PRDM16: variants seen among roughly 807,000 people sequenced by gnomAD.
PRDM16 encodes the protein PR/SET domain 16.
Under a neutral mutation model 110.6 loss-of-function variants are expected in PRDM16, and 23 were observed. That is an observed-to-expected ratio of 0.21 (90% CI 0.15 to 0.29). The LOEUF (loss-of-function observed/expected upper bound fraction) is 0.29. Among genes scored for constraint, PRDM16 ranks in the 10% least tolerant of loss-of-function variants. The pLI, the probability that PRDM16 is intolerant of heterozygous loss-of-function variation, is 1.00. For synonymous variants in PRDM16, 799 were observed against 781.8 expected (o/e 1.02, Z -0.37); for missense variants, 1,615 against 1,794.3 (o/e 0.90, Z 1.81).
At chr1:3,097,346 T>A (rs1642428507) in intron 1 of PRDM16, among the ~76,000 whole-genome samples, 1 of 152,180 alleles carries the variant, frequency 6.6e-6, no homozygotes, top group South Asian at 2.1e-4. Flanking sequence ...GGGCTGCATC[T>A]CCAAAGGACC....
At chr1:3,145,847 G>A (rs1349884556) in intron 1 of PRDM16, among the ~76,000 whole-genome samples, 2 of 152,168 alleles carry the variant, frequency 1.3e-5, no homozygotes. Context: ...TAATTTTTCT[G>A]AGTGAGGTCT....
At chr1:3,145,936 C>T (rs780713957) in intron 1 of PRDM16, among the ~76,000 whole-genome samples, 1 of 152,232 alleles carries the variant, frequency 6.6e-6, no homozygotes, top group African/African-American at 2.4e-5. Flanking sequence ...CCCCCGGCGC[C>T]CCCCGGGTCA....
chr1:3,195,738 G>A (rs1429473128), intron 2 of PRDM16, among the ~76,000 whole-genome samples: 1 of 152,172 alleles, frequency 6.6e-6, no homozygotes. Context: ...TTCTGCGTGG[G>A]GGCGTGGCCC....
At chr1:3,373,132 G>C (rs540375074) in intron 3 of PRDM16, among the ~76,000 whole-genome samples, 1 of 152,218 alleles carries the variant, frequency 6.6e-6, no homozygotes, top group East Asian at 1.9e-4. Context: ...GCACACACAA[G>C]AGTCTCCTCA....
At position 3,436,731 on chromosome 1, in the gene PRDM16, T is replaced by C. The variant is rs1638918486; in HGVS notation, c.*2920T>C. Reference sequence around the variant, plus strand: ...GAATTCAGAGATTCTGGCCTCCAGCTGTCACCACACCGTAACGGGGCCATG... The same window carrying C: ...GAATTCAGAGATTCTGGCCTCCAGCCGTCACCACACCGTAACGGGGCCATG... On this transcript the variant is annotated 3_prime_UTR_variant, in exon 17 of 17. Coordinates refer to ENST00000270722, the MANE Select transcript of PRDM16 (RefSeq NM_022114.4). The C allele has an allele frequency of 4.3e-6, 1 of 232,590 alleles. No individual in the cohort carries two copies. The highest frequency in any genetic ancestry group is 2.2e-5 in the African/African-American group (1 of 45,304). 14.4% of individuals were successfully genotyped at this position (232,590 alleles called of 1,614,324 possible). A position where few individuals can be genotyped will look rare whatever the true frequency, so the allele number is the denominator to read the frequency against.
At chr1:3,421,494 C>A (rs1036789805) in intron 12 of PRDM16, among the ~76,000 whole-genome samples, 1 of 152,214 alleles carries the variant, frequency 6.6e-6, no homozygotes, top group Non-Finnish European at 1.5e-5. Context: ...CAACGCAGAC[C>A]CCAGCTGCTC....
rs1005687685 is a variant in PRDM16, at chr1:3,427,434, C to T, written c.3284+1209C>T. Among the ~76,000 whole-genome samples, 9 of 152,296 alleles carry T rather than the reference C, an allele frequency of 5.9e-5. 1 individual carries two copies. Among genetic ancestry groups the T allele is most frequent in the Admixed American group, 5.9e-4 (9 of 15,308 alleles). On this transcript the variant is annotated intron_variant, in intron 14 of 16. Transcript: ENST00000270722. ...TTTTACCGCACTGGCCATGGGCGGT[C>T]TAAGGCTCTGTACCCACAGGGCCCA...
chr1:3,127,287 C>A (rs964961158), intron 1 of PRDM16, among the ~76,000 whole-genome samples: 2 of 152,218 alleles, frequency 1.3e-5, no homozygotes, highest in African/African-American at 2.4e-5. Flanking sequence ...AAATGCATAA[C>A]GGCGGTGCGC....
chr1:3,414,576 A>C lies in PRDM16; in HGVS notation c.2620A>C (p.Lys874Gln). 1 of 1,613,274 alleles carries C rather than the reference A, an allele frequency of 6.2e-7. No individual in the cohort carries two copies. Among genetic ancestry groups the C allele is most frequent in the Non-Finnish European group, 8.5e-7 (1 of 1,179,698 alleles). Reference protein sequence around the residue: ...DPIYSRVEKRKVTDPVGALKE... With the variant: ...DPIYSRVEKRQVTDPVGALKE... ...GTTGTCCAGCAGGGTAGAAAAGCGG[A>C]AGGTCACAGACCCCGTGGGAGCCCT... The change falls in exon 10 of 17, where the codon AAG (lysine) becomes CAG (glutamine). Residue 874 changes from lysine (K) to glutamine (Q), a missense_variant. Coordinates refer to ENST00000270722, the MANE Select transcript of PRDM16 (RefSeq NM_022114.4).
chr1:3,071,021 G>GGGT (rs1641745003), intron 1 of PRDM16, among the ~76,000 whole-genome samples: 1 of 152,250 alleles, frequency 6.6e-6, no homozygotes, highest in African/African-American at 2.4e-5. Flanking sequence ...TCCGCGCGTG[G>GGGT]GGTGTGCGTG....
intron 3 of PRDM16, among the ~76,000 whole-genome samples, chr1:3,260,286 G>T: frequency 6.6e-6 from 1 of 152,166 alleles, no homozygotes; most frequent in East Asian, 1.9e-4. Flanking sequence ...CCCACAGGCT[G>T]CCTCTCTGCT....
At chr1:3,115,958 C>A (rs1014718927) in intron 1 of PRDM16, among the ~76,000 whole-genome samples, 2 of 152,166 alleles carry the variant, frequency 1.3e-5, no homozygotes, top group Non-Finnish European at 2.9e-5. Flanking sequence ...CTAGGCTGTC[C>A]ATGCCCCAGC....
At chr1:3,413,212 A>G (rs1422192391) in intron 9 of PRDM16, among the ~76,000 whole-genome samples, 1 of 147,104 alleles carries the variant, frequency 6.8e-6, no homozygotes, top group Non-Finnish European at 1.5e-5. Context: ...CTACCTGCAG[A>G]AGTCAGAGGG....
In PRDM16 at chr1:3,366,862, C is replaced by T. The variant is rs564691744; in HGVS notation, c.439-18290C>T. On this transcript the variant is annotated intron_variant, in intron 3 of 16. Transcript: ENST00000270722. ...TGTCTGTGAACACCACGTCAGTCTA[C>T]CCGGTCTGTAGTGCACAAAGAGAAC... Among the ~76,000 whole-genome samples, 29 of 152,318 alleles carry T rather than the reference C, an allele frequency of 1.9e-4. No homozygotes were observed. The East Asian group carries it at 5.4e-3, about 28-fold the overall frequency.
rs1177682159 is a variant in PRDM16 at position 3,244,230 on chromosome 1, A to C, written c.438+93A>C. 31 of 1,187,674 alleles carry C rather than the reference A, an allele frequency of 2.6e-5. No homozygotes were observed. The highest frequency in any genetic ancestry group is 3.6e-5 in the Non-Finnish European group (29 of 802,818). 73.6% of individuals were successfully genotyped at this position (1,187,674 alleles called of 1,614,324 possible). A position where few individuals can be genotyped will look rare whatever the true frequency, so the allele number is the denominator to read the frequency against. On this transcript the variant is annotated intron_variant, in intron 3 of 16. Transcript: ENST00000270722. The surrounding 1 kb of genome is among the most constrained non-coding windows in gnomAD (Gnocchi z 4.1). ...CATCCCAGCTGTCCCTGAGCTAACA[A>C]GCGTGTAGTCGGAATGTTGCTGGCA...
chr1:3,236,418 G>T (rs1206649732), intron 2 of PRDM16, among the ~76,000 whole-genome samples: 1 of 152,172 alleles, frequency 6.6e-6, no homozygotes, highest in Non-Finnish European at 1.5e-5. Context: ...TAATGGCCTG[G>T]GGGGGCGCTT....
chr1:3,304,391 C>G (rs1388855909), intron 3 of PRDM16, among the ~76,000 whole-genome samples: 1 of 152,234 alleles, frequency 6.6e-6, no homozygotes, highest in Non-Finnish European at 1.5e-5. Flanking sequence ...TCAGCTTTCC[C>G]TTAACAAGTG....
At chr1:3,118,779 G>A (rs113609378) in intron 1 of PRDM16, among the ~76,000 whole-genome samples, 4 of 152,274 alleles carry the variant, frequency 2.6e-5, no homozygotes, top group East Asian at 1.9e-4. Context: ...GTGCTAGGGC[G>A]TGCGTGTACA....
chr1:3,136,928 G>A (rs940207691), intron 1 of PRDM16, among the ~76,000 whole-genome samples: 1 of 152,214 alleles, frequency 6.6e-6, no homozygotes, highest in Admixed American at 6.5e-5. Flanking sequence ...AACAGTGGAC[G>A]CTTCTCCTGC....
Sources: allele counts gnomAD v4.1 joint callset (sites outside exome capture counted in the v4.1 genomes callset), GRCh38; gene constraint gnomAD v4.1.1; non-coding constraint Gnocchi (gnomAD v3.1); transcripts MANE v1.5; gene names NCBI Gene and HGNC (gene_info 2026-07-23, HGNC 2026-07-21).